The following TAT variants were observed in gnomAD, a reference collection of about 807,000 sequenced individuals.
The protein encoded by TAT is tyrosine aminotransferase.
In TAT, 35 loss-of-function variants were observed where a neutral mutation model predicts 53.6. That is an observed-to-expected ratio of 0.65 (90% CI 0.50 to 0.87). The LOEUF is 0.87. Among genes scored for constraint, TAT ranks in the 40% least tolerant of loss-of-function variants. TAT has a pLI of 0.00. For synonymous variants in TAT, 197 were observed against 206.5 expected, an observed-to-expected ratio of 0.95 and a Z score of 0.39; for missense variants, 525 against 571.8, an observed-to-expected ratio of 0.92 and a Z score of 0.83.
In TAT at chr16:71,572,267, T is replaced by C; in HGVS notation, c.625A>G (p.Thr209Ala). 2 of 1,614,220 alleles carry C rather than the reference T, an allele frequency of 1.2e-6. No homozygotes were observed. Among genetic ancestry groups the C allele is most frequent in the Non-Finnish European group, 1.7e-6 (2 of 1,180,020 alleles). Reference protein sequence around the residue: ...KQLEYLIDEKTACLIVNNPSN... With the variant: ...KQLEYLIDEKAACLIVNNPSN... The stretch of plus-strand genomic sequence containing the variant: ...GGATTATTGACAATGAGACAAGCTG[T>C]CTTTTCATCAATTAGATATTCCAGT... Residue 209 changes from threonine to alanine, a missense_variant, in exon 6 of 12, where the codon ACA becomes GCA. Transcript: ENST00000355962.
Position 71,571,608 on chromosome 16 carries a change from T to C in TAT, c.757A>G (p.Met253Val). 1 of 1,613,852 alleles carries C rather than the reference T, an allele frequency of 6.2e-7. No homozygotes were observed. The highest frequency in any genetic ancestry group is 8.5e-7 in the Non-Finnish European group (1 of 1,179,716). Residue 253 changes from methionine (M) to valine (V), a missense_variant and splice_region_variant, in exon 7 of 12, where the codon ATG (methionine) becomes GTG (valine). Met to Val is a conservative substitution (Grantham distance 21). Coordinates refer to ENST00000355962, the MANE Select transcript of TAT (RefSeq NM_000353.3). ...GATATATCCTGATCAAGACTCACCA[T>C]GTCTCCATAGATCTCATCAGCTAAG... ...PILADEIYGDMVFSDCKYEPL... is the reference protein window; with the variant it reads ...PILADEIYGDVVFSDCKYEPL...
At chr16:71,572,410 A>G (rs985851832) in intron 5 of TAT, 86 bp from the exon 6 acceptor site, 1 of 1,606,580 alleles carries the variant, frequency 6.2e-7, no homozygotes, top group African/African-American at 1.3e-5. Flanking sequence ...AATGTAAGCA[A>G]TAAAGTCTGT....
chr16:71,570,489 A>G, intron 8 of TAT, 92 bp from the exon 9 acceptor site: 1 of 1,608,176 alleles, frequency 6.2e-7, no homozygotes, highest in Non-Finnish European at 8.5e-7. Flanking sequence ...TCAGGTTTTT[A>G]ATCTTGGAAA....
In TAT at chr16:71,576,408, G is replaced by T. The variant is rs2044235799; in HGVS notation, c.8C>A (p.Pro3Gln). 1 of 1,613,992 alleles carries T rather than the reference G, an allele frequency of 6.2e-7. No individual in the cohort carries two copies. Among genetic ancestry groups the T allele is most frequent in the South Asian group, 1.1e-5 (1 of 91,082 alleles). Reference sequence around the variant, plus strand: ...TTTGCTGCTCATCTGAATCATGTATGGGTCCATCACTAGCGAAGCCTGCGA... The same window carrying T: ...TTTGCTGCTCATCTGAATCATGTATTGGTCCATCACTAGCGAAGCCTGCGA... MD[P>Q]YMIQMSSKGN... The change falls in exon 2 of 12, where the codon CCA (proline) becomes CAA (glutamine). Residue 3 changes from proline (P) to glutamine (Q), a missense_variant. Pro to Gln is a moderately conservative substitution (Grantham distance 76). Transcript: ENST00000355962.
At chr16:71,570,979 G>T (rs1022061670) in intron 7 of TAT, 148 bp from the exon 8 acceptor site, 12 of 1,027,678 alleles carry the variant, frequency 1.2e-5, no homozygotes, top group Non-Finnish European at 1.8e-5. Flanking sequence ...GACTGGGATT[G>T]CAAGAGGCTT....
At chr16:71,569,982 A>G in intron 9 of TAT, 45 bp from the exon 10 acceptor site, 1 of 1,570,700 alleles carries the variant, frequency 6.4e-7, no homozygotes, top group Admixed American at 1.8e-5. Flanking sequence ...AATTTAAGTA[A>G]AAGAAAAGCC....
chr16:71,572,544 G>A lies in TAT; in HGVS notation c.553C>T (p.Leu185Phe). The change falls in exon 5 of 12, where the codon CTC becomes TTC. Residue 185 changes from leucine to phenylalanine, a missense_variant. Coordinates refer to ENST00000355962, the MANE Select transcript of TAT (RefSeq NM_000353.3). Reference protein sequence around the residue: ...LAESMGIEVKLYNLLPEKSWE... With the variant: ...LAESMGIEVKFYNLLPEKSWE... ...AAGTCATTTACCAACAAATTGTAGA[G>A]TTTGACCTCAATTCCCATAGACTCA... is the stretch of plus-strand genomic sequence containing the variant. 1.2e-6 allele frequency: 2 copies of A among 1,614,184 alleles called. No homozygotes were observed. Among genetic ancestry groups the A allele is most frequent in the African/African-American group, 1.3e-5 (1 of 75,034 alleles).
intron 6 of TAT, 194 bp downstream of exon 6, chr16:71,571,992 C>T (rs1214441129): frequency 1.5e-6 from 1 of 685,670 alleles, no homozygotes; most frequent in Admixed American, 2.7e-5. Flanking sequence ...GATGAAGAGA[C>T]AAGTATTTCT....
In TAT at chr16:71,575,932, G is replaced by T. The variant is rs1405335237; in HGVS notation, c.330C>A (p.Ala110=). The T allele has an allele frequency of 6.2e-7, 1 of 1,614,134 alleles. No individual in the cohort carries two copies. The change falls in exon 3 of 12, where the codon GCC becomes GCA. Residue 110 remains alanine (A), a synonymous_variant. Coordinates refer to ENST00000355962, the MANE Select transcript of TAT (RefSeq NM_000353.3). ...ALDSGKYNGY[A]PSIGFLSSRE... ...TCAGGAGGAGCTTACCGATGGATGGGGCATAGCCATTATATTTGCCCGAGT... is the reference window on the plus strand; with the variant it reads ...TCAGGAGGAGCTTACCGATGGATGGTGCATAGCCATTATATTTGCCCGAGT...
chr16:71,575,385 C>G (rs978296019), intron 3 of TAT: 1 of 157,226 alleles, frequency 6.4e-6, no homozygotes, highest in Admixed American at 6.1e-5. Flanking sequence ...ACCTTCTATC[C>G]TTCAGTTTGA....
chr16:71,569,560 C>CT (rs1262716304), intron 10 of TAT, among the ~76,000 whole-genome samples: 1 of 152,194 alleles, frequency 6.6e-6, no homozygotes, highest in Non-Finnish European at 1.5e-5. Flanking sequence ...AGGCTGGTCT[C>CT]TAACTCCTGC....
chr16:71,573,463 T>C (rs759850211), intron 4 of TAT, 76 bp downstream of exon 4: 103 of 1,374,064 alleles, frequency 7.5e-5, no homozygotes, highest in Non-Finnish European at 8.4e-5. Flanking sequence ...CCCGTACTTC[T>C]TGTGGAACAG....
At chr16:71,568,334 G>A in intron 11 of TAT, 50 bp from the exon 12 acceptor site, 1 of 1,602,496 alleles carries the variant, frequency 6.2e-7, no homozygotes, top group South Asian at 1.1e-5. Flanking sequence ...TCTGGTACTG[G>A]ACCACCCTAA....
At chr16:71,568,601 T>G (rs2044179920) in intron 11 of TAT, 110 bp downstream of exon 11, 9 of 902,312 alleles carry the variant, frequency 1.0e-5, no homozygotes, top group African/African-American at 3.3e-5. Context: ...TCTTATCAAA[T>G]GAGAAGACAT....
intron 10 of TAT, 72 bp from the exon 11 acceptor site, chr16:71,568,881 T>A: frequency 9.6e-7 from 1 of 1,036,594 alleles, no homozygotes; most frequent in Non-Finnish European, 1.5e-6. Flanking sequence ...TGCCAGAAAT[T>A]AAGGTAGGGG....
rs535089911 is a variant in TAT, at chr16:71,570,787, G to A, written c.804C>T (p.Thr268=). The A allele has an allele frequency of 4.8e-4, 781 of 1,614,172 alleles. 9 individuals are homozygous for A. The South Asian group carries it at 7.8e-3, about 16-fold the overall frequency. Residue 268 remains threonine, a synonymous_variant, in exon 8 of 12, where the codon ACC becomes ACT. Transcript: ENST00000355962. ...CTCCACAGGACAGGATGGGGACATC[G>A]GTGCTGAGGGTGGCCAGTGGTTCAT... is the stretch of plus-strand genomic sequence containing the variant. ...CKYEPLATLS[T]DVPILSCGGL... is the part of the protein sequence containing the mutation.
chr16:71,575,861 C>A lies in TAT; in HGVS notation c.340+61G>T, dbSNP rs1282357560. On this transcript the variant is annotated intron_variant, in intron 3 of 11. Coordinates refer to ENST00000355962, the MANE Select transcript of TAT (RefSeq NM_000353.3). ...GAAGAGGATTGCTAGACATTTAGTCCTGTTATAAGAGCACTAAAGATTTGG... is the reference window on the plus strand; with the variant it reads ...GAAGAGGATTGCTAGACATTTAGTCATGTTATAAGAGCACTAAAGATTTGG... 2.1e-6 allele frequency: 3 copies of A among 1,452,074 alleles called. No individual in the cohort carries two copies. The South Asian group carries it at 3.4e-5, about 17-fold the overall frequency. 89.9% of individuals were successfully genotyped at this position (1,452,074 alleles called of 1,614,324 possible). A position where few individuals can be genotyped will look rare whatever the true frequency, so the allele number is the denominator to read the frequency against.
chr16:71,569,932 A>G lies in TAT; in HGVS notation c.1047T>C (p.Asn349=), dbSNP rs374959815. The part of the protein sequence containing the change: ...YHNTLSFLKS[N]ADLCYGALAA... ...CCAACGCCCCATAACAGAGATCAGCATTGGACTACAAGAAGAGGCAAGGAG... is the reference window on the plus strand; with the variant it reads ...CCAACGCCCCATAACAGAGATCAGCGTTGGACTACAAGAAGAGGCAAGGAG... The change falls in exon 10 of 12, where the codon AAT becomes AAC. Residue 349 remains asparagine (N), a synonymous_variant. Coordinates refer to ENST00000355962, the MANE Select transcript of TAT (RefSeq NM_000353.3). The G allele has an allele frequency of 8.7e-6, 14 of 1,613,376 alleles. No homozygotes were observed. The African/African-American group carries it at 1.1e-4, about 12-fold the overall frequency.
chr16:71,570,566 A>G lies in TAT; in HGVS notation c.912+113T>C, dbSNP rs2303226. On this transcript the variant is annotated intron_variant, in intron 8 of 11. Coordinates refer to ENST00000355962, the MANE Select transcript of TAT (RefSeq NM_000353.3). ...TTCGTAGCCCAGCTCTGCCACACAC[A>G]TGCTGCTTGACTGACAAGGAGAAAG... is the stretch of plus-strand genomic sequence containing the variant. 0.12 allele frequency: 194,916 copies of G among 1,571,330 alleles called. 15,685 individuals carry two copies. Among genetic ancestry groups the G allele is most frequent in the South Asian group, 0.32 (27,945 of 88,102 alleles).
Sources: gnomAD v4.1 joint callset for allele counts (sites outside exome capture counted in the v4.1 genomes callset) on GRCh38, gnomAD v4.1.1 for gene constraint, MANE v1.5 for transcripts, NCBI Gene and HGNC (gene_info 2026-07-23, HGNC 2026-07-21) for gene names.